Variants in THNSL1 observed in about 807,000 individuals in gnomAD.
THNSL1 encodes threonine synthase-like 1.
Under a neutral mutation model 50.4 loss-of-function variants are expected in THNSL1, and 48 were observed. The observed-to-expected ratio is 0.95, with a 90% confidence interval of 0.76 to 1.21. THNSL1 has a LOEUF of 1.21. Among genes scored for constraint, THNSL1 ranks in the 50% most tolerant of loss-of-function variants. The probability of loss-of-function intolerance (pLI) is 0.00; values close to 1 mark genes in which losing one functional copy is unlikely to be tolerated. For missense variants in THNSL1, 896 were observed against 871.7 expected (o/e 1.03, Z -0.35); for synonymous variants, 309 against 306.1 (o/e 1.01, Z -0.10).
the THNSL1 span, chr10:24,990,686 G>A: frequency 7.4e-7 from 1 of 1,359,968 alleles, no homozygotes; most frequent in Non-Finnish European, 1.0e-6. Flanking sequence ...AACTGATGAT[G>A]GAAGAAAAAG....
the THNSL1 span, among the ~76,000 whole-genome samples, chr10:24,964,638 A>G: frequency 6.6e-6 from 1 of 152,334 alleles, no homozygotes; most frequent in Non-Finnish European, 1.5e-5. Context: ...CTTCCATTTC[A>G]TATAAAGGAA....
chr10:24,952,647 A>G, the THNSL1 span: 2 of 328,714 alleles, frequency 6.1e-6, no homozygotes, highest in Non-Finnish European at 1.0e-5. The surrounding 1 kb of genome is among the most constrained non-coding windows in gnomAD (Gnocchi z 5.1). Flanking sequence ...TGCGTGGGGG[A>G]TGGGACGTGG....
chr10:24,977,786 A>G, the THNSL1 span, among the ~76,000 whole-genome samples: 1 of 152,224 alleles, frequency 6.6e-6, no homozygotes. Context: ...CAATATTTAT[A>G]GAAAAGTTAC....
At chr10:24,984,320 C>T in the THNSL1 span, 6 of 1,577,132 alleles carry the variant, frequency 3.8e-6, no homozygotes, top group African/African-American at 1.4e-5. Context: ...GCACGTGTTA[C>T]TATTTCCAGT....
chr10:24,998,319 C>T, the THNSL1 span, among the ~76,000 whole-genome samples: 2 of 148,022 alleles, frequency 1.4e-5, no homozygotes, highest in Non-Finnish European at 3.0e-5. Flanking sequence ...CTCTCCCCTC[C>T]CCTCCCCTCC....
chr10:25,018,247 C>A (rs572444065), intron 1 of THNSL1, among the ~76,000 whole-genome samples: 185 of 152,260 alleles, frequency 1.2e-3, no homozygotes, highest in African/African-American at 4.3e-3. Flanking sequence ...TGCAATTCTC[C>A]TTGCCTTTTG....
chr10:24,967,291 T>G, the THNSL1 span, among the ~76,000 whole-genome samples: 60 of 152,320 alleles, frequency 3.9e-4, no homozygotes, highest in African/African-American at 1.4e-3. Flanking sequence ...CTGTCATTAC[T>G]CTACATAGTG....
At chr10:24,952,560 C>A in the THNSL1 span, 2 of 1,592,126 alleles carry the variant, frequency 1.3e-6, no homozygotes, top group East Asian at 2.3e-5. The surrounding 1 kb of genome is among the most constrained non-coding windows in gnomAD (Gnocchi z 5.1). Context: ...GGCGCCTCCT[C>A]GCTGCTCCCG....
chr10:25,005,055 G>A, the THNSL1 span, among the ~76,000 whole-genome samples: 4 of 152,094 alleles, frequency 2.6e-5, no homozygotes, highest in African/African-American at 9.7e-5. Context: ...GTTTGTCAAG[G>A]ATCAGATACT....
At chr10:24,966,048 T>C in the THNSL1 span, among the ~76,000 whole-genome samples, 1 of 152,228 alleles carries the variant, frequency 6.6e-6, no homozygotes, top group African/African-American at 2.4e-5. Flanking sequence ...TTGCCTGCAA[T>C]AGTATTTGGA....
chr10:24,988,674 A>G, the THNSL1 span, among the ~76,000 whole-genome samples: 14 of 960 alleles, frequency 0.015, no homozygotes, highest in Admixed American at 0.052. Flanking sequence ...GTATATATAT[A>G]TATATATATA....
In THNSL1 at chr10:25,025,450, A is replaced by G; in HGVS notation, c.2227A>G (p.Ile743Val). 6.3e-7 allele frequency: 1 copy of G among 1,594,222 alleles called. No individual in the cohort carries two copies. The highest frequency in any genetic ancestry group is 8.5e-7 in the Non-Finnish European group (1 of 1,172,808). ...GGAACAACTTGTCCAAAATCAATTC[A>G]TATGAAAGCTTTCAGAGTAAATTTT... ...HVEQLVQNQF[I>V] Residue 743 changes from isoleucine (I) to valine (V), a missense_variant, in exon 3 of 3, where the codon ATA (isoleucine) becomes GTA (valine). Ile to Val is a conservative substitution (Grantham distance 29). Coordinates refer to ENST00000376356, the MANE Select transcript of THNSL1 (RefSeq NM_024838.5).
the THNSL1 span, chr10:24,953,133 T>G: frequency 6.6e-6 from 1 of 152,514 alleles, no homozygotes; most frequent in South Asian, 2.1e-4. Flanking sequence ...GTGTCCTGGA[T>G]GTGTTTTCAA....
upstream of THNSL1, chr10:25,015,894 GT>G (rs1204605710): frequency 6.2e-7 from 1 of 1,607,470 alleles, no homozygotes; most frequent in Non-Finnish European, 8.5e-7. Context: ...AAGTCACTGG[GT>G]ATGAGGTTAT....
At chr10:25,000,213 A>G in the THNSL1 span, among the ~76,000 whole-genome samples, 1 of 152,004 alleles carries the variant, frequency 6.6e-6, no homozygotes, top group South Asian at 2.1e-4. Flanking sequence ...ATTCCTTTGA[A>G]TTTTCTGACA....
the THNSL1 span, among the ~76,000 whole-genome samples, chr10:24,976,790 G>A: frequency 6.6e-6 from 1 of 152,112 alleles, no homozygotes; most frequent in Admixed American, 6.6e-5. Context: ...CACCACACCT[G>A]GCTATAAAGC....
At chr10:24,987,106 G>C in the THNSL1 span, among the ~76,000 whole-genome samples, 2 of 152,182 alleles carry the variant, frequency 1.3e-5, no homozygotes, top group Admixed American at 6.5e-5. Context: ...GGAGAGTGAG[G>C]TTGGGGCATT....
At chr10:24,963,256 T>C in the THNSL1 span, among the ~76,000 whole-genome samples, 1 of 152,254 alleles carries the variant, frequency 6.6e-6, no homozygotes, top group Admixed American at 6.5e-5. Context: ...ACCTGGACTC[T>C]GTACTCATTA....
the THNSL1 span, among the ~76,000 whole-genome samples, chr10:25,002,730 G>A: frequency 6.6e-6 from 1 of 151,890 alleles, no homozygotes; most frequent in Admixed American, 6.6e-5. Flanking sequence ...AAACATTATT[G>A]TTTTTTTCCT....
Sources: allele counts gnomAD v4.1 joint callset (sites outside exome capture counted in the v4.1 genomes callset), GRCh38; gene constraint gnomAD v4.1.1; non-coding constraint Gnocchi (gnomAD v3.1); transcripts MANE v1.5; gene names NCBI Gene and HGNC (gene_info 2026-07-23, HGNC 2026-07-21).